BCAT1: variants seen among roughly 807,000 people sequenced by gnomAD.
BCAT1 encodes branched chain amino acid transaminase 1.
In BCAT1, 48 loss-of-function variants were observed where a neutral mutation model predicts 52.4. The ratio of observed to expected loss-of-function variants is 0.92; its 90% CI spans 0.73 to 1.16. BCAT1 has a LOEUF of 1.16. Among genes scored for constraint, BCAT1 ranks in the 50% most tolerant of loss-of-function variants. The probability of loss-of-function intolerance (pLI) is 0.00; values close to 1 mark genes in which losing one functional copy is unlikely to be tolerated. For missense variants in BCAT1, 451 were observed against 457.1 expected, an observed-to-expected ratio of 0.99 and a Z score of 0.12; for synonymous variants, 167 against 161.3, an observed-to-expected ratio of 1.04 and a Z score of -0.27.
At position 24,883,755 on chromosome 12, in the gene BCAT1, G is replaced by T. The variant is rs577332504; in HGVS notation, c.280-2344C>A. Among the ~76,000 whole-genome samples, 97 of 152,282 alleles carry T rather than the reference G, an allele frequency of 6.4e-4. 1 individual carries two copies. Among genetic ancestry groups the T allele is most frequent in the African/African-American group, 2.2e-3 (92 of 41,532 alleles). On this transcript the variant is annotated intron_variant, in intron 3 of 10. Transcript: ENST00000261192. ...CACAGGGATGAGCGTGGGGAGTCTT[G>T]CAGAGTGCAATCATTCTACCTCAGA...
Position 24,898,520 on chromosome 12 carries a change from C to CTTTTTTTTTTTTTTTTTTT in BCAT1, c.78+3275_78+3293dup, listed in dbSNP as rs71448094. Reference sequence around the variant, plus strand: ...TGTTTCAGCCAGGGTTCAGTCAACACTTTTTTTTTTTTTTTTTTTTTTTTT... The same window carrying CTTTTTTTTTTTTTTTTTTT: ...TGTTTCAGCCAGGGTTCAGTCAACACTTTTTTTTTTTTTTTTTTTTTTTTTTTTTTTTTTTTTTTTTTTT... On this transcript the variant is annotated intron_variant, in intron 2 of 10. Coordinates refer to ENST00000261192, the MANE Select transcript of BCAT1 (RefSeq NM_005504.7). Among the ~76,000 whole-genome samples the CTTTTTTTTTTTTTTTTTTT allele has an allele frequency of 2.0e-3, 76 of 38,528 alleles. 29 individuals are homozygous for CTTTTTTTTTTTTTTTTTTT. Among genetic ancestry groups the CTTTTTTTTTTTTTTTTTTT allele is most frequent in the East Asian group, 6.9e-3 (6 of 866 alleles). 25.3% of individuals were successfully genotyped at this position (38,528 alleles called of 152,430 possible).
intron 1 of BCAT1, among the ~76,000 whole-genome samples, chr12:24,922,070 A>C (rs558239152): frequency 7.2e-5 from 11 of 152,370 alleles, no homozygotes; most frequent in African/African-American, 2.2e-4. Flanking sequence ...TTCCCATCAA[A>C]TGAATAATCA....
chr12:24,812,861 C>A lies in BCAT1; in HGVS notation c.*5147G>T, dbSNP rs1302221909. ...TATATTTTAATTCATTCTTACACCA[C>A]AGCCTACATCAATTCTTACCATCCC... is the stretch of plus-strand genomic sequence containing the variant. On this transcript the variant is annotated 3_prime_UTR_variant, in exon 11 of 11. Transcript: ENST00000261192. The A allele has an allele frequency of 6.6e-6, 1 of 151,962 alleles. No individual in the cohort carries two copies. Among genetic ancestry groups the A allele is most frequent in the Non-Finnish European group, 1.5e-5 (1 of 67,884 alleles). 9.4% of individuals were successfully genotyped at this position (151,962 alleles called of 1,614,324 possible). A position where few individuals can be genotyped will look rare whatever the true frequency, so the allele number is the denominator to read the frequency against.
chr12:24,928,933 G>T (rs1035892778), intron 1 of BCAT1, among the ~76,000 whole-genome samples: 27 of 151,788 alleles, frequency 1.8e-4, no homozygotes, highest in African/African-American at 6.5e-4. Context: ...TTATTGTATT[G>T]TATTTTTAGT....
chr12:24,866,143 G>A (rs891739807), intron 5 of BCAT1, among the ~76,000 whole-genome samples: 1 of 152,252 alleles, frequency 6.6e-6, no homozygotes, highest in Non-Finnish European at 1.5e-5. Context: ...CCGGGTGGGA[G>A]TGGGCTTGGC....
At chr12:24,868,540 G>T in intron 5 of BCAT1, among the ~76,000 whole-genome samples, 1 of 152,174 alleles carries the variant, frequency 6.6e-6, no homozygotes, top group Non-Finnish European at 1.5e-5. Flanking sequence ...AATCAGTGAG[G>T]AAAGGATAGA....
intron 1 of BCAT1, among the ~76,000 whole-genome samples, chr12:24,942,483 G>T (rs1204018878): frequency 1.3e-5 from 2 of 151,236 alleles, no homozygotes; most frequent in Non-Finnish European, 2.9e-5. Flanking sequence ...GGCAGAGGTT[G>T]CAGTGAGCCA....
intron 1 of BCAT1, among the ~76,000 whole-genome samples, chr12:24,928,910 A>T (rs867749828): frequency 5.9e-4 from 89 of 150,500 alleles, no homozygotes; most frequent in Middle Eastern, 3.4e-3. Context: ...AATTTTTTTT[A>T]TTTTATTTTA....
At chr12:24,935,071 C>G (rs1368892500) in intron 1 of BCAT1, among the ~76,000 whole-genome samples, 1 of 152,196 alleles carries the variant, frequency 6.6e-6, no homozygotes, top group Non-Finnish European at 1.5e-5. Flanking sequence ...ATGACTGCCT[C>G]ACCTTCTAGT....
intron 10 of BCAT1, among the ~76,000 whole-genome samples, chr12:24,819,928 T>C (rs1940046124): frequency 6.6e-6 from 1 of 152,222 alleles, no homozygotes; most frequent in Non-Finnish European, 1.5e-5. Context: ...GATTTATGTA[T>C]GATGTCAACA....
At chr12:24,931,669 G>A (rs369785786) in intron 1 of BCAT1, among the ~76,000 whole-genome samples, 1 of 152,110 alleles carries the variant, frequency 6.6e-6, no homozygotes, top group Non-Finnish European at 1.5e-5. Flanking sequence ...TTCTAACCTA[G>A]GATATTATTC....
intron 1 of BCAT1, among the ~76,000 whole-genome samples, chr12:24,941,609 G>C (rs977415093): frequency 3.9e-5 from 6 of 152,298 alleles, no homozygotes; most frequent in Non-Finnish European, 8.8e-5. Flanking sequence ...TTCCTGCCAT[G>C]GTAGAAGAAA....
chr12:24,875,337 G>A (rs1942302896), intron 5 of BCAT1, among the ~76,000 whole-genome samples: 1 of 152,074 alleles, frequency 6.6e-6, no homozygotes, highest in Non-Finnish European at 1.5e-5. Context: ...CACAAGTGAT[G>A]GTTTATTCTG....
intron 4 of BCAT1, 92 bp downstream of exon 4, chr12:24,881,209 T>C: frequency 1.1e-6 from 1 of 899,120 alleles, no homozygotes; most frequent in South Asian, 1.6e-5. Context: ...ACTGAATATT[T>C]ATCTAACTAT....
rs1939666203 is a variant in BCAT1, at chr12:24,811,175, G to T, written c.*6833C>A. 1 of 152,088 alleles carries T rather than the reference G, an allele frequency of 6.6e-6. No homozygotes were observed. Among genetic ancestry groups the T allele is most frequent in the Admixed American group, 6.6e-5 (1 of 15,264 alleles). The allele number at this position is 152,088 out of a possible 1,614,324, so 9.4% of individuals were successfully genotyped here. A position where few individuals can be genotyped will look rare whatever the true frequency, so the allele number is the denominator to read the frequency against. On this transcript the variant is annotated 3_prime_UTR_variant, in exon 11 of 11. Transcript: ENST00000261192. ...CAAATGTTTGAAAAAGAAACATATT[G>T]AATCTCTATCCAGTGGTGTGGTTTC...
At position 24,824,287 on chromosome 12, in the gene BCAT1, C is replaced by T. The variant is rs532521189; in HGVS notation, c.1119+5536G>A. 9.0e-3 allele frequency among the ~76,000 whole-genome samples: 1,338 copies of T among 149,232 alleles called. 12 individuals are homozygous for T. Among genetic ancestry groups the T allele is most frequent in the Middle Eastern group, 0.034 (10 of 292 alleles). ...CCTTCATTCCCTCCCTCCCTCCCTC[C>T]CTCCCTCCCTCCCTCCTTCCTTTCG... On this transcript the variant is annotated intron_variant, in intron 10 of 10. Transcript: ENST00000261192.
chr12:24,949,105 C>T (rs540492086), upstream of BCAT1: 13 of 614,600 alleles, frequency 2.1e-5, no homozygotes, highest in South Asian at 2.1e-4. Flanking sequence ...GGATTGCAGA[C>T]CGGCCCTCTC....
chr12:24,902,188 A>C, intron 1 of BCAT1: 5 of 1,432,314 alleles, frequency 3.5e-6, no homozygotes, highest in Non-Finnish European at 4.5e-6. Context: ...GGCAAAGAAC[A>C]AAAAAACAAT....
intron 5 of BCAT1, among the ~76,000 whole-genome samples, chr12:24,871,546 C>A (rs1942184355): frequency 6.6e-6 from 1 of 152,016 alleles, no homozygotes. Flanking sequence ...ACATATAAGC[C>A]AGAATAATAT....
Sources: gnomAD v4.1 joint callset for allele counts (sites outside exome capture counted in the v4.1 genomes callset) on GRCh38, gnomAD v4.1.1 for gene constraint, MANE v1.5 for transcripts, NCBI Gene and HGNC (gene_info 2026-07-23, HGNC 2026-07-21) for gene names.